Variants in ANTXRL observed in about 807,000 individuals in gnomAD.
ANTXRL encodes ANTXR like.
A neutral mutation model predicts 75.4 loss-of-function variants in ANTXRL; 63 were observed. The ratio of observed to expected loss-of-function variants is 0.84; its 90% confidence interval spans 0.68 to 1.03. ANTXRL has a LOEUF of 1.03. ANTXRL is among the 50% of genes least tolerant of loss of function. The pLI, the probability that ANTXRL is intolerant of heterozygous loss-of-function variation, is 0.00. For missense variants in ANTXRL, 797 were observed against 789.4 expected, an observed-to-expected ratio of 1.01 and a Z score of -0.12; for synonymous variants, 335 against 291.3, an observed-to-expected ratio of 1.15 and a Z score of -1.53.
In ANTXRL at chr10:46,302,689, C is replaced by T. The variant is rs532175659; in HGVS notation, c.797-33C>T. ...AGAGGGGAGGCAGCCCCCTACTCTT[C>T]CTCACTCAGCCTTTTGAATGTTGTC... On this transcript the variant is annotated intron_variant, in intron 9 of 16. Transcript: ENST00000620264. 3 of 1,483,382 alleles carry T rather than the reference C, an allele frequency of 2.0e-6. No homozygotes were observed. In the South Asian group the frequency reaches 3.6e-5, roughly 18 times the overall value. The allele number at this position is 1,483,382 out of a possible 1,614,324, so 91.9% of individuals were successfully genotyped here. A position where few individuals can be genotyped will look rare whatever the true frequency, so the allele number is the denominator to read the frequency against.
chr10:46,305,407 G>A (rs1242149309), intron 10 of ANTXRL, among the ~76,000 whole-genome samples: 2 of 152,216 alleles, frequency 1.3e-5, no homozygotes, highest in Non-Finnish European at 2.9e-5. Context: ...AGTAAACTAT[G>A]TGCATATTTA....
In ANTXRL at chr10:46,330,008, T is replaced by C; in HGVS notation, c.1820T>C (p.Leu607Pro). Residue 607 changes from leucine to proline, a missense_variant, in exon 17 of 17, where the codon CTG (leucine) becomes CCG (proline). Coordinates refer to ENST00000620264, the MANE Select transcript of ANTXRL (RefSeq NM_001278688.3). ...TGCTTGAGGCCTCCCTCCAGGATGC[T>C]GCCGCTGCTGTCCCCACTGCTCAGG... Reference protein sequence around the residue: ...ARCLRPPSRMLPLLSPLLRHT... With the variant: ...ARCLRPPSRMPPLLSPLLRHT... 1 of 1,533,916 alleles carries C rather than the reference T, an allele frequency of 6.5e-7. No homozygotes were observed. Among genetic ancestry groups the C allele is most frequent in the Non-Finnish European group, 8.7e-7 (1 of 1,145,720 alleles).
rs567153851 is a variant in ANTXRL, at chr10:46,319,159, C to G, written c.1410+5843C>G. Among the ~76,000 whole-genome samples the G allele has an allele frequency of 8.9e-4, 135 of 152,260 alleles. 2 individuals carry two copies. Among genetic ancestry groups the G allele is most frequent in the African/African-American group, 3.0e-3 (124 of 41,530 alleles). ...GAACTCAAGTATGTGAGTATGGAGG[C>G]TTTCTCAGACCAAAATTTAGTTTTA... On this transcript the variant is annotated intron_variant, in intron 16 of 16. Coordinates refer to ENST00000620264, the MANE Select transcript of ANTXRL (RefSeq NM_001278688.3).
intron 16 of ANTXRL, among the ~76,000 whole-genome samples, chr10:46,328,987 G>A (rs188919936): frequency 7.6e-4 from 116 of 152,288 alleles, no homozygotes; most frequent in South Asian, 5.8e-3. Flanking sequence ...GAAGCCAGCA[G>A]AGAGAAAGGC....
chr10:46,310,186 G>GC (rs1838340684), intron 13 of ANTXRL, among the ~76,000 whole-genome samples: 1 of 152,114 alleles, frequency 6.6e-6, no homozygotes, highest in Admixed American at 6.5e-5. Context: ...ACTTGTAGGG[G>GC]CTGGGCCTCA....
At chr10:46,303,834 G>T (rs782640191) in intron 10 of ANTXRL, among the ~76,000 whole-genome samples, 7 of 152,122 alleles carry the variant, frequency 4.6e-5, no homozygotes, top group Non-Finnish European at 8.8e-5. Flanking sequence ...CCCACTGAGG[G>T]CCTGGGGTGC....
At chr10:46,329,127 G>A (rs1372484585) in intron 16 of ANTXRL, among the ~76,000 whole-genome samples, 9 of 152,126 alleles carry the variant, frequency 5.9e-5, no homozygotes, top group Non-Finnish European at 1.3e-4. Context: ...CTCTTCCTAC[G>A]GGTCTGGATC....
At chr10:46,291,494 G>A (rs1310262946) in intron 1 of ANTXRL, among the ~76,000 whole-genome samples, 1 of 151,674 alleles carries the variant, frequency 6.6e-6, no homozygotes, top group African/African-American at 2.4e-5. Flanking sequence ...TTTTGATACA[G>A]ATTACATTGT....
chr10:46,291,404 G>A (rs1418134096), intron 1 of ANTXRL, among the ~76,000 whole-genome samples: 1 of 121,036 alleles, frequency 8.3e-6, no homozygotes, highest in Non-Finnish European at 1.8e-5. Context: ...TTTTTTTTTT[G>A]CTGTATGACT....
At chr10:46,303,840 G>A (rs7898474) in intron 10 of ANTXRL, among the ~76,000 whole-genome samples, 40,794 of 151,374 alleles carry the variant, frequency 0.27, 4,754 homozygotes, top group East Asian at 0.43. Flanking sequence ...GAGGGCCTGG[G>A]GTGCAGTTGG....
chr10:46,308,908 G>T (rs1273686459), intron 12 of ANTXRL, among the ~76,000 whole-genome samples: 1 of 152,114 alleles, frequency 6.6e-6, no homozygotes, highest in African/African-American at 2.4e-5. Flanking sequence ...GACTTTCTTG[G>T]CAGGGCTCTG....
intron 1 of ANTXRL, among the ~76,000 whole-genome samples, chr10:46,287,712 C>T (rs1313858768): frequency 1.3e-5 from 2 of 152,090 alleles, no homozygotes; most frequent in African/African-American, 4.8e-5. Flanking sequence ...GCTTCATCTC[C>T]TGGATGAGGA....
At chr10:46,322,683 G>A (rs1438779191) in intron 16 of ANTXRL, among the ~76,000 whole-genome samples, 1 of 152,062 alleles carries the variant, frequency 6.6e-6, no homozygotes, top group African/African-American at 2.4e-5. Context: ...AAAGACTCAG[G>A]AAGGGCCAGG....
At chr10:46,306,688 A>C in intron 10 of ANTXRL, 115 bp from the exon 11 acceptor site, 1 of 848,806 alleles carries the variant, frequency 1.2e-6, no homozygotes, top group Non-Finnish European at 1.7e-6. Flanking sequence ...AGGAAGGCAG[A>C]GCCCACATGC....
intron 3 of ANTXRL, 55 bp downstream of exon 3, chr10:46,293,955 C>G: frequency 6.7e-7 from 1 of 1,495,126 alleles, no homozygotes. Context: ...CCAGAGGGAG[C>G]TCCAGGGAGC....
At chr10:46,301,995 G>T (rs782315419) in intron 9 of ANTXRL, among the ~76,000 whole-genome samples, 1 of 152,000 alleles carries the variant, frequency 6.6e-6, no homozygotes, top group Non-Finnish European at 1.5e-5. Context: ...CAGGGCAGGA[G>T]CTACAGTGGT....
chr10:46,304,276 T>A (rs1377669442), intron 10 of ANTXRL, among the ~76,000 whole-genome samples: 1 of 151,820 alleles, frequency 6.6e-6, no homozygotes, highest in African/African-American at 2.4e-5. Context: ...CAACAGAGAG[T>A]TTCTCTCTAA....
intron 9 of ANTXRL, 122 bp from the exon 10 acceptor site, chr10:46,302,600 T>C (rs1837821306): frequency 7.3e-6 from 5 of 682,714 alleles, no homozygotes; most frequent in South Asian, 5.4e-5. Flanking sequence ...CAGACACAGC[T>C]CTTTCCTTAC....
Position 46,313,298 on chromosome 10 carries a change from T to G in ANTXRL, c.1392T>G (p.Cys464Trp), listed in dbSNP as rs79756825. 886 of 1,534,640 alleles carry G rather than the reference T, an allele frequency of 5.8e-4. 3 individuals are homozygous for G. The highest frequency in any genetic ancestry group is 1.0e-3 in the Middle Eastern group (6 of 5,976). Reference sequence around the variant, plus strand: ...GCTGCCACCAGGTGCCATGGATGTGTTGTCAGAGCAGGGACCAGGTGAGCT... The same window carrying G: ...GCTGCCACCAGGTGCCATGGATGTGGTGTCAGAGCAGGGACCAGGTGAGCT... ...HASCHQVPWM[C>W]CQSRDQGRYL... The change falls in exon 16 of 17, where the codon TGT (cysteine) becomes TGG (tryptophan). Residue 464 changes from cysteine to tryptophan, a missense_variant. This residue lies in a region of ANTXRL where 479 missense variants were observed against 422.0 expected (regional missense o/e 1.14). Coordinates refer to ENST00000620264, the MANE Select transcript of ANTXRL (RefSeq NM_001278688.3).
Sources: gnomAD v4.1 joint callset for allele counts (sites outside exome capture counted in the v4.1 genomes callset) on GRCh38, gnomAD v4.1.1 for gene constraint, gnomAD v4.1.1 regional missense constraint, MANE v1.5 for transcripts, NCBI Gene and HGNC (gene_info 2026-07-23, HGNC 2026-07-21) for gene names.